The following CCL22 variants were observed in gnomAD, a reference collection of about 807,000 sequenced individuals.
CCL22 encodes C-C motif chemokine ligand 22.
A neutral mutation model predicts 7.6 loss-of-function variants in CCL22; 7 were observed. That is an observed-to-expected ratio of 0.92 (90% confidence interval 0.52 to 1.72). CCL22 has a LOEUF of 1.72. Ranked by LOEUF, CCL22 falls within the 40% of genes most tolerant of loss-of-function variation. The pLI is 0.00. For missense variants in CCL22, 115 were observed against 124.7 expected, an observed-to-expected ratio of 0.92 and a Z score of 0.37; for synonymous variants, 55 against 47.2, an observed-to-expected ratio of 1.17 and a Z score of -0.68.
chr16:57,365,303 T>C lies in CCL22; in HGVS notation c.*1715T>C, dbSNP rs1902096773. ...AAATAGCTGACAATCAAATTCATGC[T>C]ATGGTGTGAAAGACTACCTTTGACT... On this transcript the variant is annotated 3_prime_UTR_variant, in exon 3 of 3. Transcript: ENST00000219235. 1 of 152,228 alleles carries C rather than the reference T, an allele frequency of 6.6e-6. No individual in the cohort carries two copies. Among genetic ancestry groups the C allele is most frequent in the South Asian group, 2.1e-4 (1 of 4,830 alleles). 9.4% of individuals were successfully genotyped at this position (152,228 alleles called of 1,614,324 possible).
Position 57,360,494 on chromosome 16 carries a change from G to T in CCL22, c.131G>T (p.Arg44Leu). 6.2e-7 allele frequency: 1 copy of T among 1,614,180 alleles called. No individual in the cohort carries two copies. Among genetic ancestry groups the T allele is most frequent in the Non-Finnish European group, 8.5e-7 (1 of 1,180,022 alleles). Residue 44 changes from arginine to leucine, a missense_variant, in exon 2 of 3, where the codon CGT (arginine) becomes CTT (leucine). Coordinates refer to ENST00000219235, the MANE Select transcript of CCL22 (RefSeq NM_002990.5). ...TGCTGCCGTGATTACGTCCGTTACC[G>T]TCTGCCCCTGCGCGTGGTGAAACAC... is the stretch of plus-strand genomic sequence containing the variant. Reference protein sequence around the residue: ...SVCCRDYVRYRLPLRVVKHFY... With the variant: ...SVCCRDYVRYLLPLRVVKHFY...
In CCL22 at chr16:57,361,258, CAA is replaced by C. The variant is rs68168072; in HGVS notation, c.197+719_197+720del. Reference sequence around the variant, plus strand: ...TGGGCAACAGAGGGAGACTCTGTCTCAAAAAAAAAAAAAAAAAAAAAATGCTC... The same window carrying C: ...TGGGCAACAGAGGGAGACTCTGTCTCAAAAAAAAAAAAAAAAAAAATGCTC... On this transcript the variant is annotated intron_variant, in intron 2 of 2. Transcript: ENST00000219235. Among the ~76,000 whole-genome samples, 919 of 114,670 alleles carry C rather than the reference CAA, an allele frequency of 8.0e-3. 8 individuals are homozygous for C. The highest frequency in any genetic ancestry group is 0.039 in the Middle Eastern group (9 of 230). 75.2% of individuals were successfully genotyped at this position (114,670 alleles called of 152,430 possible).
intron 1 of CCL22, 38 bp downstream of exon 1, chr16:57,358,927 A>G: frequency 1.3e-6 from 2 of 1,496,356 alleles, no homozygotes; most frequent in South Asian, 2.3e-5. Flanking sequence ...TACAGAGGCC[A>G]GGGCAGACGG....
At chr16:57,359,182 T>G (rs1902021298) in intron 1 of CCL22, among the ~76,000 whole-genome samples, 1 of 151,936 alleles carries the variant, frequency 6.6e-6, no homozygotes, top group African/African-American at 2.4e-5. Flanking sequence ...CCTAGGGGTG[T>G]GGGTGAGGAG....
At chr16:57,363,348 ACT>A (rs1440873737) in intron 2 of CCL22, among the ~76,000 whole-genome samples, 154 bp from the exon 3 acceptor site, 4 of 151,644 alleles carry the variant, frequency 2.6e-5, no homozygotes, top group African/African-American at 9.7e-5. Flanking sequence ...ATTTTGAACC[ACT>A]CTATTTAGCA....
rs1478441141 is a variant in CCL22, at chr16:57,366,078, C to T, written c.*2490C>T. 6.6e-6 allele frequency: 1 copy of T among 152,404 alleles called. No homozygotes were observed. Among genetic ancestry groups the T allele is most frequent in the African/African-American group, 2.4e-5 (1 of 41,468 alleles). 9.4% of individuals were successfully genotyped at this position (152,404 alleles called of 1,614,324 possible). On this transcript the variant is annotated 3_prime_UTR_variant, in exon 3 of 3. Transcript: ENST00000219235. ...CTGCCTACCACAGGCACTAGAAGGA[C>T]GAATCTGCCTACTGCCCATGAACGG...
intron 2 of CCL22, among the ~76,000 whole-genome samples, chr16:57,362,626 G>A (rs1902060703): frequency 6.6e-6 from 1 of 152,054 alleles, no homozygotes; most frequent in Non-Finnish European, 1.5e-5. Context: ...TTGGGAGGCC[G>A]AGACAGGCAG....
rs188976305 is a variant in CCL22 at position 57,365,159 on chromosome 16, C to T, written c.*1571C>T. ...ACCTTTCTTCGTTTTACCTATGTGT[C>T]GTGTCTGCTTACATTTCCTTCTCCC... On this transcript the variant is annotated 3_prime_UTR_variant, in exon 3 of 3. Coordinates refer to ENST00000219235, the MANE Select transcript of CCL22 (RefSeq NM_002990.5). 4 of 152,110 alleles carry T rather than the reference C, an allele frequency of 2.6e-5. No homozygotes were observed. Among genetic ancestry groups the T allele is most frequent in the Admixed American group, 6.6e-5 (1 of 15,264 alleles). The allele number at this position is 152,110 out of a possible 1,614,324, so 9.4% of individuals were successfully genotyped here.
Position 57,363,688 on chromosome 16 carries a change from A to C in CCL22, c.*100A>C. On this transcript the variant is annotated 3_prime_UTR_variant, in exon 3 of 3. Transcript: ENST00000219235. Reference sequence around the variant, plus strand: ...TGCTCCCCGCCAGAAGCCTGTGCCAACTCTCTGCATTCCCTGATCTCCATC... The same window carrying C: ...TGCTCCCCGCCAGAAGCCTGTGCCACCTCTCTGCATTCCCTGATCTCCATC... The C allele has an allele frequency of 1.3e-6, 1 of 742,444 alleles. No homozygotes were observed. Among genetic ancestry groups the C allele is most frequent in the Non-Finnish European group, 2.4e-6 (1 of 421,308 alleles). The allele number at this position is 742,444 out of a possible 1,614,324, so 46.0% of individuals were successfully genotyped here. A position where few individuals can be genotyped will look rare whatever the true frequency, so the allele number is the denominator to read the frequency against.
At chr16:57,359,241 G>C (rs1160902978) in intron 1 of CCL22, among the ~76,000 whole-genome samples, 2 of 152,042 alleles carry the variant, frequency 1.3e-5, no homozygotes, top group African/African-American at 4.8e-5. Flanking sequence ...GGGGCAAGGG[G>C]TTCTCCCTTG....
Position 57,363,759 on chromosome 16 carries a change from T to TC in CCL22, c.*177dup, listed in dbSNP as rs1902075270. ...TCACCTCCGTGCTGTCACTGCCATC[T>TC]CCCCCCTGACCCCTCTAACCCATCC... On this transcript the variant is annotated 3_prime_UTR_variant, in exon 3 of 3. Coordinates refer to ENST00000219235, the MANE Select transcript of CCL22 (RefSeq NM_002990.5). The TC allele has an allele frequency of 5.0e-6, 3 of 603,706 alleles. No individual in the cohort carries two copies. Among genetic ancestry groups the TC allele is most frequent in the Admixed American group, 2.7e-5 (1 of 36,708 alleles). The allele number at this position is 603,706 out of a possible 1,614,324, so 37.4% of individuals were successfully genotyped here. A position where few individuals can be genotyped will look rare whatever the true frequency, so the allele number is the denominator to read the frequency against.
intron 1 of CCL22, 89 bp downstream of exon 1, chr16:57,358,978 G>A: frequency 9.8e-7 from 1 of 1,020,706 alleles, no homozygotes; most frequent in Admixed American, 1.7e-5. Context: ...ACTGGACCAA[G>A]AGCAGAAGAC....
upstream of CCL22, chr16:57,358,643 T>C: frequency 1.6e-6 from 1 of 616,494 alleles, no homozygotes; most frequent in Non-Finnish European, 2.9e-6. Context: ...ATTTCTCCAC[T>C]TTGGAGGAAG....
rs1902079188 is a variant in CCL22, at chr16:57,364,163, C to A, written c.*575C>A. 1 of 154,180 alleles carries A rather than the reference C, an allele frequency of 6.5e-6. No homozygotes were observed. The highest frequency in any genetic ancestry group is 1.4e-5 in the Non-Finnish European group (1 of 69,222). The allele number at this position is 154,180 out of a possible 1,614,324, so 9.6% of individuals were successfully genotyped here. On this transcript the variant is annotated 3_prime_UTR_variant, in exon 3 of 3. Coordinates refer to ENST00000219235, the MANE Select transcript of CCL22 (RefSeq NM_002990.5). ...CTGGCCCTCTGTCCCCTCTTAATAA[C>A]CCTAGTCACAGTCTCCGCAGATTCT...
In CCL22 at chr16:57,358,890, G is replaced by A. The variant is rs1415052544; in HGVS notation, c.73+1G>A. The stretch of plus-strand genomic sequence containing the variant: ...GTGGCGCTTCAAGCAACTGAGGCAG[G>A]TGAGGCTGGGGAGCAGGAAGACCCC... On this transcript the variant is annotated splice_donor_variant, in intron 1 of 2. Coordinates refer to ENST00000219235, the MANE Select transcript of CCL22 (RefSeq NM_002990.5). LOFTEE classifies it high-confidence loss of function. 1 of 1,612,760 alleles carries A rather than the reference G, an allele frequency of 6.2e-7. No homozygotes were observed. The highest frequency in any genetic ancestry group is 1.7e-5 in the Admixed American group (1 of 60,022).
intron 2 of CCL22, among the ~76,000 whole-genome samples, 162 bp downstream of exon 2, chr16:57,360,722 A>G (rs1008112612): frequency 6.6e-6 from 1 of 152,230 alleles, no homozygotes; most frequent in Non-Finnish European, 1.5e-5. Context: ...GGCTCAGTTC[A>G]GGCTTGGGTG....
rs748315767 is a variant in CCL22, at chr16:57,360,508, G to A, written c.145G>A (p.Val49Met). Reference sequence around the variant, plus strand: ...CGTCCGTTACCGTCTGCCCCTGCGCGTGGTGAAACACTTCTACTGGACCTC... The same window carrying A: ...CGTCCGTTACCGTCTGCCCCTGCGCATGGTGAAACACTTCTACTGGACCTC... ...DYVRYRLPLRVVKHFYWTSDS... is the reference protein window; with the variant it reads ...DYVRYRLPLRMVKHFYWTSDS... Residue 49 changes from valine (V) to methionine (M), a missense_variant, in exon 2 of 3, where the codon GTG becomes ATG. Transcript: ENST00000219235. The A allele has an allele frequency of 2.2e-5, 35 of 1,614,110 alleles. No individual in the cohort carries two copies. Among genetic ancestry groups the A allele is most frequent in the South Asian group, 1.6e-4 (15 of 91,094 alleles).
rs1457109673 is a variant in CCL22, at chr16:57,364,266, C to G, written c.*678C>G. On this transcript the variant is annotated 3_prime_UTR_variant, in exon 3 of 3. Coordinates refer to ENST00000219235, the MANE Select transcript of CCL22 (RefSeq NM_002990.5). ...TAGCTAAGTTACTCTAGTCTCCAAGCCTCTAGCATAGAGCACTGCAGACAG... is the reference window on the plus strand; with the variant it reads ...TAGCTAAGTTACTCTAGTCTCCAAGGCTCTAGCATAGAGCACTGCAGACAG... The G allele has an allele frequency of 2.0e-5, 3 of 152,722 alleles. No individual in the cohort carries two copies. Among genetic ancestry groups the G allele is most frequent in the African/African-American group, 7.2e-5 (3 of 41,452 alleles). 9.5% of individuals were successfully genotyped at this position (152,722 alleles called of 1,614,324 possible). A position where few individuals can be genotyped will look rare whatever the true frequency, so the allele number is the denominator to read the frequency against.
Position 57,365,948 on chromosome 16 carries a change from T to A in CCL22, c.*2360T>A, listed in dbSNP as rs1169551945. 1 of 152,278 alleles carries A rather than the reference T, an allele frequency of 6.6e-6. No individual in the cohort carries two copies. Among genetic ancestry groups the A allele is most frequent in the African/African-American group, 2.4e-5 (1 of 41,464 alleles). 9.4% of individuals were successfully genotyped at this position (152,278 alleles called of 1,614,324 possible). On this transcript the variant is annotated 3_prime_UTR_variant, in exon 3 of 3. Transcript: ENST00000219235. ...AATCACAGTGAGAATGTTCACCTTA[T>A]AGGCTTGCTGTGGGGCTCAGGTTGA...
Sources: allele counts gnomAD v4.1 joint callset (sites outside exome capture counted in the v4.1 genomes callset), GRCh38; gene constraint gnomAD v4.1.1; transcripts MANE v1.5; gene names NCBI Gene and HGNC (gene_info 2026-07-23, HGNC 2026-07-21).